SLC5A3: variants seen among roughly 807,000 people sequenced by gnomAD.
SLC5A3 encodes the protein solute carrier family 5 member 3.
Under a neutral mutation model 43.2 loss-of-function variants are expected in SLC5A3, and 10 were observed. The ratio of observed to expected loss-of-function variants is 0.23; its 90% CI spans 0.14 to 0.39. The LOEUF is 0.39. SLC5A3 is among the 10% of genes least tolerant of loss of function. The pLI is 1.00. For missense variants in SLC5A3, 608 were observed against 893.4 expected (o/e 0.68, Z 4.07); for synonymous variants, 349 against 322.0 (o/e 1.08, Z -0.90).
At position 34,105,612 on chromosome 21, in the gene SLC5A3, G is replaced by A. The variant is rs979400148; in HGVS notation, c.*8257G>A. On this transcript the variant is annotated 3_prime_UTR_variant, in exon 2 of 2. Coordinates refer to ENST00000381151, the MANE Select transcript of SLC5A3 (RefSeq NM_006933.7). ...TTAGTACACTGGGGGTGTATATTGT[G>A]TACATGTGTCATTTTAGTTAGGCAT... 2.6e-5 allele frequency: 26 copies of A among 999,846 alleles called. No individual in the cohort carries two copies. The highest frequency in any genetic ancestry group is 3.0e-5 in the Non-Finnish European group (25 of 829,834). 61.9% of individuals were successfully genotyped at this position (999,846 alleles called of 1,614,324 possible). A position where few individuals can be genotyped will look rare whatever the true frequency, so the allele number is the denominator to read the frequency against.
rs1380688936 is a variant in SLC5A3, at chr21:34,100,132, A to T, written c.*2777A>T. On this transcript the variant is annotated 3_prime_UTR_variant, in exon 2 of 2. Coordinates refer to ENST00000381151, the MANE Select transcript of SLC5A3 (RefSeq NM_006933.7). Reference sequence around the variant, plus strand: ...TCAGAATTGAAGCTTGATATTGACTAGAATAGCTAAAAGTCAAAATGAGGT... The same window carrying T: ...TCAGAATTGAAGCTTGATATTGACTTGAATAGCTAAAAGTCAAAATGAGGT... 1.0e-6 allele frequency: 1 copy of T among 998,696 alleles called. No homozygotes were observed. The highest frequency in any genetic ancestry group is 1.2e-6 in the Non-Finnish European group (1 of 828,638). The allele number at this position is 998,696 out of a possible 1,614,324, so 61.9% of individuals were successfully genotyped here.
chr21:34,077,404 C>CA (rs938986547), intron 1 of SLC5A3, among the ~76,000 whole-genome samples: 1 of 152,132 alleles, frequency 6.6e-6, no homozygotes, highest in Non-Finnish European at 1.5e-5. Context: ...GCCCTTTTCC[C>CA]AGAAGGTGTT....
rs2148662009 is a variant in SLC5A3 at position 34,102,776 on chromosome 21, G to A, written c.*5421G>A. On this transcript the variant is annotated 3_prime_UTR_variant, in exon 2 of 2. Transcript: ENST00000381151. ...AACAGTGGTTTTGCTCTATACCACT[G>A]AAAAGCACTATAACATAATTGTTGT... The A allele has an allele frequency of 1.0e-6, 1 of 1,000,062 alleles. No individual in the cohort carries two copies. The highest frequency in any genetic ancestry group is 1.2e-6 in the Non-Finnish European group (1 of 829,876). 61.9% of individuals were successfully genotyped at this position (1,000,062 alleles called of 1,614,324 possible).
rs978844850 is a variant in SLC5A3, at chr21:34,104,765, A to G, written c.*7410A>G. 11 of 1,000,214 alleles carry G rather than the reference A, an allele frequency of 1.1e-5. No homozygotes were observed. Among genetic ancestry groups the G allele is most frequent in the Non-Finnish European group, 1.3e-5 (11 of 830,014 alleles). 62.0% of individuals were successfully genotyped at this position (1,000,214 alleles called of 1,614,324 possible). On this transcript the variant is annotated 3_prime_UTR_variant, in exon 2 of 2. Transcript: ENST00000381151. ...TTTGAGGAACACCCTTGGCTTAGCA[A>G]CATGTGATAATGCAAAGCTGTTATA...
chr21:34,093,392 C>T (rs927318223), intron 1 of SLC5A3, among the ~76,000 whole-genome samples: 13 of 152,056 alleles, frequency 8.5e-5, no homozygotes, highest in African/African-American at 2.9e-4. Flanking sequence ...CATTTCTATC[C>T]AGGCAGTTTT....
intron 1 of SLC5A3, among the ~76,000 whole-genome samples, chr21:34,092,315 T>C (rs1007782632): frequency 6.6e-6 from 1 of 152,134 alleles, no homozygotes; most frequent in African/African-American, 2.4e-5. Context: ...CCTTTTCCAG[T>C]CTTTACCAGG....
Position 34,100,663 on chromosome 21 carries a change from T to C in SLC5A3, c.*3308T>C. 4.0e-6 allele frequency: 4 copies of C among 1,000,184 alleles called. No homozygotes were observed. The highest frequency in any genetic ancestry group is 4.8e-6 in the Non-Finnish European group (4 of 829,960). 62.0% of individuals were successfully genotyped at this position (1,000,184 alleles called of 1,614,324 possible). A position where few individuals can be genotyped will look rare whatever the true frequency, so the allele number is the denominator to read the frequency against. On this transcript the variant is annotated 3_prime_UTR_variant, in exon 2 of 2. Transcript: ENST00000381151. ...CTGTGAAACTTCACATTTTAAGAAC[T>C]GAGTTGAGGGGGTTGTTATGCACTT...
In SLC5A3 at chr21:34,102,471, A is replaced by G; in HGVS notation, c.*5116A>G. Reference sequence around the variant, plus strand: ...AATTTATCCAGTAACCAACAACCCTAACCATTGGCATATATAGTCTTTCAC... The same window carrying G: ...AATTTATCCAGTAACCAACAACCCTGACCATTGGCATATATAGTCTTTCAC... On this transcript the variant is annotated 3_prime_UTR_variant, in exon 2 of 2. Transcript: ENST00000381151. The G allele has an allele frequency of 1.0e-6, 1 of 1,000,148 alleles. No individual in the cohort carries two copies. Among genetic ancestry groups the G allele is most frequent in the Non-Finnish European group, 1.2e-6 (1 of 829,882 alleles). The allele number at this position is 1,000,148 out of a possible 1,614,324, so 62.0% of individuals were successfully genotyped here.
intron 1 of SLC5A3, among the ~76,000 whole-genome samples, chr21:34,076,538 T>G (rs545751306): frequency 1.3e-5 from 2 of 152,244 alleles, no homozygotes; most frequent in Non-Finnish European, 2.9e-5. Flanking sequence ...GTATCTACTT[T>G]TGTACTTCCA....
In SLC5A3 at chr21:34,098,526, T is replaced by C; in HGVS notation, c.*1171T>C. On this transcript the variant is annotated 3_prime_UTR_variant, in exon 2 of 2. Transcript: ENST00000381151. ...GCCTCTACATTTTTGTTGTAGTGAC[T>C]TAGAGCATAAGGATGTTTCAGTGCA... The C allele has an allele frequency of 1.0e-6, 1 of 1,000,304 alleles. No individual in the cohort carries two copies. The highest frequency in any genetic ancestry group is 1.2e-6 in the Non-Finnish European group (1 of 830,008). 62.0% of individuals were successfully genotyped at this position (1,000,304 alleles called of 1,614,324 possible). A position where few individuals can be genotyped will look rare whatever the true frequency, so the allele number is the denominator to read the frequency against.
Position 34,102,481 on chromosome 21 carries a change from A to G in SLC5A3, c.*5126A>G, listed in dbSNP as rs1296810481. 1.0e-5 allele frequency: 10 copies of G among 1,000,080 alleles called. No homozygotes were observed. Among genetic ancestry groups the G allele is most frequent in the Non-Finnish European group, 1.2e-5 (10 of 829,924 alleles). 62.0% of individuals were successfully genotyped at this position (1,000,080 alleles called of 1,614,324 possible). A position where few individuals can be genotyped will look rare whatever the true frequency, so the allele number is the denominator to read the frequency against. On this transcript the variant is annotated 3_prime_UTR_variant, in exon 2 of 2. Transcript: ENST00000381151. ...GTAACCAACAACCCTAACCATTGGC[A>G]TATATAGTCTTTCACTCAGAAATAA...
In SLC5A3 at chr21:34,098,659, A is replaced by G; in HGVS notation, c.*1304A>G. Reference sequence around the variant, plus strand: ...CATGTTTGAGAGGTGCCAAACAAGAACTTTTGGGGTTAGTAGTGTGTCTTG... The same window carrying G: ...CATGTTTGAGAGGTGCCAAACAAGAGCTTTTGGGGTTAGTAGTGTGTCTTG... On this transcript the variant is annotated 3_prime_UTR_variant, in exon 2 of 2. Transcript: ENST00000381151. The G allele has an allele frequency of 2.0e-6, 2 of 1,000,222 alleles. No homozygotes were observed. The highest frequency in any genetic ancestry group is 2.4e-6 in the Non-Finnish European group (2 of 829,974). The allele number at this position is 1,000,222 out of a possible 1,614,324, so 62.0% of individuals were successfully genotyped here.
rs1046176166 is a variant in SLC5A3, at chr21:34,097,474, A to G, written c.*119A>G. 2.1e-5 allele frequency: 30 copies of G among 1,450,360 alleles called. No individual in the cohort carries two copies. The African/African-American group carries it at 3.9e-4, about 19-fold the overall frequency. The allele number at this position is 1,450,360 out of a possible 1,614,324, so 89.8% of individuals were successfully genotyped here. A position where few individuals can be genotyped will look rare whatever the true frequency, so the allele number is the denominator to read the frequency against. On this transcript the variant is annotated 3_prime_UTR_variant, in exon 2 of 2. Transcript: ENST00000381151. ...ACGCTGTAGGTTTTAGCCAAATTTT[A>G]CTTAGCAGAAAATCATCTAATTACA... is the stretch of plus-strand genomic sequence containing the variant.
At position 34,104,865 on chromosome 21, in the gene SLC5A3, AC is replaced by A. The variant is rs763858873; in HGVS notation, c.*7511del. The A allele has an allele frequency of 5.1e-4, 513 of 1,000,202 alleles. 1 individual carries two copies. The highest frequency in any genetic ancestry group is 6.0e-4 in the Non-Finnish European group (497 of 829,908). 62.0% of individuals were successfully genotyped at this position (1,000,202 alleles called of 1,614,324 possible). On this transcript the variant is annotated 3_prime_UTR_variant, in exon 2 of 2. Coordinates refer to ENST00000381151, the MANE Select transcript of SLC5A3 (RefSeq NM_006933.7). ...ATTTAAGATAGTTTGTAAGAACTGT[AC>A]AAAAAAATGCTTCTGGAGATTTCTT...
At chr21:34,074,540 G>C (rs1429271210) in intron 1 of SLC5A3, among the ~76,000 whole-genome samples, 5 of 152,164 alleles carry the variant, frequency 3.3e-5, no homozygotes. Flanking sequence ...GTGACGGCGT[G>C]GCCAAGGACA....
intron 1 of SLC5A3, among the ~76,000 whole-genome samples, chr21:34,091,721 G>A (rs1978703838): frequency 1.3e-5 from 2 of 152,204 alleles, no homozygotes; most frequent in Admixed American, 1.3e-4. Flanking sequence ...TGAGAAGGAT[G>A]CCTTCTCTTT....
intron 1 of SLC5A3, among the ~76,000 whole-genome samples, chr21:34,092,252 A>G (rs1009714222): frequency 1.3e-5 from 2 of 152,238 alleles, no homozygotes; most frequent in Non-Finnish European, 2.9e-5. Context: ...ATTGCATTAT[A>G]GTATTTTATA....
At position 34,101,889 on chromosome 21, in the gene SLC5A3, G is replaced by A. The variant is rs941726231; in HGVS notation, c.*4534G>A. 6.0e-6 allele frequency: 6 copies of A among 1,000,066 alleles called. No homozygotes were observed. The African/African-American group carries it at 1.0e-4, about 17-fold the overall frequency. The allele number at this position is 1,000,066 out of a possible 1,614,324, so 61.9% of individuals were successfully genotyped here. ...TTCAAAAATTAGGGAGAGAGCAGTA[G>A]TGATCATTTATGTGAGCCCCTTTGA... On this transcript the variant is annotated 3_prime_UTR_variant, in exon 2 of 2. Transcript: ENST00000381151.
At chr21:34,081,564 C>T (rs1989459825) in intron 1 of SLC5A3, among the ~76,000 whole-genome samples, 1 of 152,110 alleles carries the variant, frequency 6.6e-6, no homozygotes, top group Admixed American at 6.5e-5. Context: ...CATTGGGAGA[C>T]TAGAAGGAGC....
Sources: allele counts gnomAD v4.1 joint callset (sites outside exome capture counted in the v4.1 genomes callset), GRCh38; gene constraint gnomAD v4.1.1; transcripts MANE v1.5; gene names NCBI Gene and HGNC (gene_info 2026-07-23, HGNC 2026-07-21).